Variants in SEPTIN7 observed in about 807,000 individuals in gnomAD.
SEPTIN7 encodes septin 7, also known as septin-7.
Under a neutral mutation model 63.3 loss-of-function variants are expected in SEPTIN7, and 10 were observed. That is an observed-to-expected ratio of 0.16 (90% confidence interval 0.10 to 0.27). The LOEUF (loss-of-function observed/expected upper bound fraction) is 0.27. Ranked by LOEUF, SEPTIN7 falls within the 10% of genes least tolerant of loss-of-function variation. The pLI, the probability that SEPTIN7 is intolerant of heterozygous loss-of-function variation, is 1.00. For synonymous variants in SEPTIN7, 131 were observed against 165.3 expected (o/e 0.79, Z 1.59); for missense variants, 310 against 521.0 (o/e 0.59, Z 3.94).
At chr7:35,816,888 T>C (rs1789100901) in intron 1 of SEPTIN7, among the ~76,000 whole-genome samples, 1 of 152,188 alleles carries the variant, frequency 6.6e-6, no homozygotes, top group Non-Finnish European at 1.5e-5. Context: ...ATTAAAATGC[T>C]TTGCTGAGTT....
At chr7:35,862,980 A>G (rs1583582324) in intron 3 of SEPTIN7, among the ~76,000 whole-genome samples, 1 of 152,132 alleles carries the variant, frequency 6.6e-6, no homozygotes. Flanking sequence ...TAGAAGCAAT[A>G]TAAAAAGTAA....
intron 1 of SEPTIN7, chr7:35,815,162 C>T (rs1352260515): frequency 2.2e-6 from 1 of 445,298 alleles, no homozygotes; most frequent in Admixed American, 2.5e-5. Flanking sequence ...TCTTTACTTT[C>T]TAGTTCATCT....
chr7:35,884,623 G>C (rs970126400), intron 9 of SEPTIN7, among the ~76,000 whole-genome samples: 2 of 152,128 alleles, frequency 1.3e-5, no homozygotes, highest in Non-Finnish European at 2.9e-5. Context: ...TTATCGGAAC[G>C]TCAGATGGTC....
At chr7:35,802,212 A>G (rs1286978185) in intron 1 of SEPTIN7, 3 of 298,252 alleles carry the variant, frequency 1.0e-5, no homozygotes, top group African/African-American at 6.6e-5. Context: ...ACATGTTGGA[A>G]AAAGAACAGG....
At chr7:35,884,251 A>T (rs1362319096) in intron 9 of SEPTIN7, among the ~76,000 whole-genome samples, 1 of 152,202 alleles carries the variant, frequency 6.6e-6, no homozygotes, top group Non-Finnish European at 1.5e-5. Context: ...GAAAATTCAA[A>T]ATGTGAATTG....
chr7:35,809,552 C>A (rs1009648184), intron 1 of SEPTIN7, among the ~76,000 whole-genome samples: 2 of 152,016 alleles, frequency 1.3e-5, no homozygotes, highest in African/African-American at 4.8e-5. Flanking sequence ...ATTTGTGATA[C>A]GATATAAAGG....
intron 6 of SEPTIN7, chr7:35,874,237 A>G (rs926062622): frequency 3.8e-5 from 6 of 157,138 alleles, no homozygotes; most frequent in East Asian, 1.9e-4. Context: ...CAATAAATCT[A>G]TTTGGCTTCT....
downstream of SEPTIN7, among the ~76,000 whole-genome samples, chr7:35,911,642 G>A (rs1043895292): frequency 6.6e-6 from 1 of 152,112 alleles, no homozygotes; most frequent in African/African-American, 2.4e-5. Context: ...CATATAATAA[G>A]AAGTATGGCA....
Position 35,887,030 on chromosome 7 carries a change from C to T in SEPTIN7, c.872+1151C>T, listed in dbSNP as rs184917524. Among the ~76,000 whole-genome samples, 30 of 152,284 alleles carry T rather than the reference C, an allele frequency of 2.0e-4. No individual in the cohort carries two copies. The East Asian group carries it at 3.9e-3, about 20-fold the overall frequency. On this transcript the variant is annotated intron_variant, in intron 10 of 13. Coordinates refer to ENST00000350320, the MANE Select transcript of SEPTIN7 (RefSeq NM_001788.6). Reference sequence around the variant, plus strand: ...CACTTAGTGGAGAAGAGCAAAAGCACGAGAAGGTCATCTTCTGGGTTTTGA... The same window carrying T: ...CACTTAGTGGAGAAGAGCAAAAGCATGAGAAGGTCATCTTCTGGGTTTTGA...
intron 3 of SEPTIN7, among the ~76,000 whole-genome samples, chr7:35,857,886 A>AG (rs1221043323): frequency 2.6e-5 from 4 of 152,054 alleles, no homozygotes; most frequent in African/African-American, 7.2e-5. Context: ...ACTCAAAAAA[A>AG]GGGGGGTGGG....
rs183046050 is a variant in SEPTIN7, at chr7:35,813,661, C to T, written c.61+12391C>T. ...AAGTGCTAAGATTACAGGAGTAAGC[C>T]ACTGCACTCGGCCAATATTAGTATT... On this transcript the variant is annotated intron_variant, in intron 1 of 13. Coordinates refer to ENST00000350320, the MANE Select transcript of SEPTIN7 (RefSeq NM_001788.6). Among the ~76,000 whole-genome samples the T allele has an allele frequency of 2.2e-4, 33 of 152,242 alleles. No individual in the cohort carries two copies. The East Asian group carries it at 5.0e-3, about 23-fold the overall frequency.
At chr7:35,881,890 C>T (rs1786901157) in intron 7 of SEPTIN7, among the ~76,000 whole-genome samples, 1 of 151,896 alleles carries the variant, frequency 6.6e-6, no homozygotes, top group Admixed American at 6.6e-5. Flanking sequence ...CTTATTAATT[C>T]TTGAGCTTCT....
intron 1 of SEPTIN7, among the ~76,000 whole-genome samples, chr7:35,826,373 A>G (rs1783516417): frequency 6.7e-6 from 1 of 149,980 alleles, no homozygotes; most frequent in African/African-American, 2.4e-5. Flanking sequence ...TGTGTAAAAC[A>G]ATATGCTATA....
chr7:35,868,893 G>A (rs1266803693), intron 4 of SEPTIN7, among the ~76,000 whole-genome samples: 2 of 152,134 alleles, frequency 1.3e-5, no homozygotes, highest in Admixed American at 6.5e-5. Flanking sequence ...CAGACAGACT[G>A]GGAATGGTCT....
chr7:35,819,612 CTT>C (rs1255637814), intron 1 of SEPTIN7, among the ~76,000 whole-genome samples: 5 of 152,198 alleles, frequency 3.3e-5, no homozygotes, highest in African/African-American at 4.8e-5. Flanking sequence ...TTTGGGGACT[CTT>C]TTATTAGGGA....
At chr7:35,904,089 A>T (rs1194291155) in intron 13 of SEPTIN7, among the ~76,000 whole-genome samples, 165 bp from the exon 14 acceptor site, 1 of 152,172 alleles carries the variant, frequency 6.6e-6, no homozygotes, top group Non-Finnish European at 1.5e-5. Context: ...TTATAGATTA[A>T]CATTGTCTTA....
At chr7:35,830,258 T>C (rs572253441) in intron 1 of SEPTIN7, among the ~76,000 whole-genome samples, 48 of 151,680 alleles carry the variant, frequency 3.2e-4, no homozygotes, top group African/African-American at 1.1e-3. Context: ...CACTGTATGT[T>C]TGGGGGGTAG....
intron 3 of SEPTIN7, among the ~76,000 whole-genome samples, chr7:35,833,890 C>G (rs1036785940): frequency 6.6e-6 from 1 of 151,844 alleles, no homozygotes; most frequent in African/African-American, 2.4e-5. Flanking sequence ...AATATTTTAC[C>G]TGTTGGTCAG....
Position 35,903,106 on chromosome 7 carries a change from A to C in SEPTIN7, c.1165A>C (p.Asn389His), listed in dbSNP as rs1788420763. The C allele has an allele frequency of 1.3e-6, 2 of 1,566,796 alleles. No individual in the cohort carries two copies. The highest frequency in any genetic ancestry group is 4.0e-5 in the Admixed American group (2 of 49,914). Residue 389 changes from asparagine (N) to histidine (H), a missense_variant, in exon 13 of 14, where the codon AAT (asparagine) becomes CAT (histidine). Asn to His is a moderately conservative substitution (Grantham distance 68). Coordinates refer to ENST00000350320, the MANE Select transcript of SEPTIN7 (RefSeq NM_001788.6). ...GCGGCGCCATGAGCAAATGAAAAAG[A>C]ATTTGGAAGCACAGCACAAAGAATT... ...LQRRHEQMKKNLEAQHKELEE... is the reference protein window; with the variant it reads ...LQRRHEQMKKHLEAQHKELEE...
Sources: allele counts gnomAD v4.1 joint callset (sites outside exome capture counted in the v4.1 genomes callset), GRCh38; gene constraint gnomAD v4.1.1; transcripts MANE v1.5; gene names NCBI Gene and HGNC (gene_info 2026-07-23, HGNC 2026-07-21).